The following LIPF variants were observed in gnomAD, a reference collection of about 807,000 sequenced individuals.
The protein encoded by LIPF is gastric triacylglycerol lipase.
LIPF carries 25 observed loss-of-function variants against 38.0 expected under a neutral mutation model. That is an observed-to-expected ratio of 0.66 (90% CI 0.48 to 0.92). The LOEUF (loss-of-function observed/expected upper bound fraction) is 0.92, where lower values mean the gene tolerates loss of function less well. Among genes scored for constraint, LIPF ranks in the 40% least tolerant of loss-of-function variants. LIPF has a pLI of 0.00. For synonymous variants in LIPF, 161 were observed against 156.2 expected (o/e 1.03, Z -0.23); for missense variants, 410 against 469.9 (o/e 0.87, Z 1.18).
At chr10:88,670,099 T>C (rs1259580389) in intron 5 of LIPF, among the ~76,000 whole-genome samples, 153 bp downstream of exon 5, 1 of 152,218 alleles carries the variant, frequency 6.6e-6, no homozygotes, top group South Asian at 2.1e-4. Context: ...ATTCCTATTA[T>C]ATGGGAAAAC....
intron 7 of LIPF, among the ~76,000 whole-genome samples, chr10:88,674,024 G>A (rs1418608564): frequency 1.3e-5 from 2 of 152,144 alleles, no homozygotes; most frequent in Non-Finnish European, 2.9e-5. Context: ...GTAAGAGAAA[G>A]GACTGAACCA....
chr10:88,675,608 C>T lies in LIPF; in HGVS notation c.839C>T (p.Ser280Leu). The T allele has an allele frequency of 7.0e-6, 9 of 1,292,362 alleles. No homozygotes were observed. The highest frequency in any genetic ancestry group is 9.8e-6 in the Non-Finnish European group (9 of 917,446). 80.1% of individuals were successfully genotyped at this position (1,292,362 alleles called of 1,614,324 possible). A position where few individuals can be genotyped will look rare whatever the true frequency, so the allele number is the denominator to read the frequency against. The change falls in exon 8 of 10, where the codon TCA becomes TTA. Residue 280 changes from serine (S) to leucine (L), a missense_variant. Physicochemically the swap from Ser to Leu is moderately radical, Grantham distance 145 (BLOSUM62 -2). Transcript: ENST00000238983. ...FNTSRLDVYL[S>L]HNPAGTSVQN... ...TAGAGTCGCTTGGATGTGTATCTAT[C>T]ACATAATCCAGCAGGAACTTCTGTT...
In LIPF at chr10:88,678,446, C is replaced by T. The variant is rs775189464; in HGVS notation, c.962C>T (p.Ser321Phe). Residue 321 changes from serine to phenylalanine, a missense_variant and splice_region_variant, in exon 10 of 10, where the codon TCC (serine) becomes TTC (phenylalanine). Ser to Phe is a radical substitution (Grantham distance 155). Transcript: ENST00000238983. ...PVQNRMHYDQ[S>F]QPPYYNVTAM... The stretch of plus-strand genomic sequence containing the variant: ...GGTTCTTTCTCTTGTGTTTTCTAGT[C>T]CCAACCTCCCTACTACAATGTGACA... 9.3e-6 allele frequency: 15 copies of T among 1,611,610 alleles called. No homozygotes were observed. The East Asian group carries it at 3.3e-4, about 36-fold the overall frequency.
At chr10:88,665,588 G>T in intron 1 of LIPF, 1 of 1,516,730 alleles carries the variant, frequency 6.6e-7, no homozygotes, top group East Asian at 2.5e-5. Flanking sequence ...CTTTACAATG[G>T]CAAATCACTT....
At chr10:88,665,783 T>C (rs1796980071) in intron 1 of LIPF, among the ~76,000 whole-genome samples, 1 of 140,164 alleles carries the variant, frequency 7.1e-6, no homozygotes, top group Non-Finnish European at 1.5e-5. Context: ...TCACACTGTC[T>C]CCTGGGCTGG....
At chr10:88,675,397 A>C in intron 7 of LIPF, 189 bp from the exon 8 acceptor site, 1 of 492,378 alleles carries the variant, frequency 2.0e-6, no homozygotes, top group Non-Finnish European at 3.6e-6. Flanking sequence ...CTACAAATTA[A>C]ATGGGTTAAC....
chr10:88,676,573 C>T (rs1206134170), intron 9 of LIPF, among the ~76,000 whole-genome samples: 1 of 152,222 alleles, frequency 6.6e-6, no homozygotes, highest in Non-Finnish European at 1.5e-5. Context: ...CCCCAGCACA[C>T]TGTCCTCTCC....
intron 5 of LIPF, 100 bp from the exon 6 acceptor site, chr10:88,671,729 C>T (rs1590111615): frequency 1.4e-6 from 2 of 1,479,634 alleles, no homozygotes; most frequent in East Asian, 2.3e-5. Context: ...AAACACCATC[C>T]TTAGTAAGTC....
chr10:88,670,720 T>G (rs547008271), intron 5 of LIPF, among the ~76,000 whole-genome samples: 2 of 152,316 alleles, frequency 1.3e-5, no homozygotes, highest in Admixed American at 1.3e-4. Flanking sequence ...GAGGAAAGAC[T>G]GTTCGGGGCT....
At position 88,675,656 on chromosome 10, in the gene LIPF, A is replaced by C; in HGVS notation, c.887A>C (p.Gln296Pro). Residue 296 changes from glutamine (Q) to proline (P), a missense_variant and splice_region_variant, in exon 8 of 10, where the codon CAG becomes CCG. Gln to Pro is a moderately conservative substitution (Grantham distance 76). Coordinates refer to ENST00000238983, the MANE Select transcript of LIPF (RefSeq NM_004190.4). ...GTTCAAAACATGTTCCATTGGACCC[A>C]GGTATTCTTTTCCAAATGCTGTTAA... ...TSVQNMFHWTQAVKSGKFQAY... is the reference protein window; with the variant it reads ...TSVQNMFHWTPAVKSGKFQAY... The C allele has an allele frequency of 6.2e-7, 1 of 1,605,808 alleles. No individual in the cohort carries two copies. Among genetic ancestry groups the C allele is most frequent in the Non-Finnish European group, 8.5e-7 (1 of 1,172,768 alleles).
intron 6 of LIPF, 76 bp from the exon 7 acceptor site, chr10:88,673,512 A>T: frequency 9.3e-7 from 1 of 1,076,362 alleles, no homozygotes; most frequent in South Asian, 1.5e-5. Context: ...CACATGTATA[A>T]GTAGATTAGA....
chr10:88,676,267 T>A lies in LIPF; in HGVS notation c.947T>A (p.Met316Lys), dbSNP rs1337424857. 1.9e-6 allele frequency: 3 copies of A among 1,601,980 alleles called. No homozygotes were observed. The highest frequency in any genetic ancestry group is 2.6e-6 in the Non-Finnish European group (3 of 1,171,288). ...TGGGGAAGCCCAGTTCAGAATAGGA[T>A]GCACTATGATCAGGTAAGCTTCTTA... ...YDWGSPVQNR[M>K]HYDQSQPPYY... The change falls in exon 9 of 10, where the codon ATG (methionine) becomes AAG (lysine). Residue 316 changes from methionine (M) to lysine (K), a missense_variant. Transcript: ENST00000238983.
chr10:88,676,440 G>T (rs531670698), intron 9 of LIPF, among the ~76,000 whole-genome samples, 160 bp downstream of exon 9: 14 of 152,134 alleles, frequency 9.2e-5, no homozygotes, highest in Non-Finnish European at 1.6e-4. Flanking sequence ...TGCTCTGGTG[G>T]CTACGCTCAT....
intron 1 of LIPF, among the ~76,000 whole-genome samples, chr10:88,666,921 A>G (rs1255437258): frequency 1.3e-5 from 2 of 152,160 alleles, no homozygotes; most frequent in Non-Finnish European, 2.9e-5. Flanking sequence ...TCTCAAAATA[A>G]GCAGGCAAAA....
chr10:88,671,581 T>G (rs1841597084), intron 5 of LIPF, among the ~76,000 whole-genome samples: 1 of 152,156 alleles, frequency 6.6e-6, no homozygotes, highest in Non-Finnish European at 1.5e-5. Context: ...GTCTATTTTC[T>G]AAGGTCAGAT....
At chr10:88,676,065 C>T in intron 8 of LIPF, 144 bp from the exon 9 acceptor site, 1 of 577,458 alleles carries the variant, frequency 1.7e-6, no homozygotes, top group Non-Finnish European at 3.0e-6. Context: ...ATACCTTGTC[C>T]TAGATTATTA....
rs766226372 is a variant in LIPF at position 88,667,569 on chromosome 10, AG to A, written c.107del (p.Ser36IlefsTer3). 7.2e-6 allele frequency: 11 copies of A among 1,528,104 alleles called. No individual in the cohort carries two copies. The South Asian group carries it at 1.3e-4, about 18-fold the overall frequency. The allele number at this position is 1,528,104 out of a possible 1,614,324, so 94.7% of individuals were successfully genotyped here. ...TAAACTTTTGGGTTTGCTTCCTCAG[AG>A]TCAGATGATTACTTATTGGGGATAC... ...PGSPEVTMNI[S>X]QMITYWGYPN... On this transcript the variant is annotated frameshift_variant and splice_region_variant, in exon 3 of 10. Transcript: ENST00000238983. LOFTEE classifies it high-confidence loss of function.
intron 5 of LIPF, among the ~76,000 whole-genome samples, chr10:88,670,913 T>C (rs1841586623): frequency 6.6e-6 from 1 of 152,172 alleles, no homozygotes; most frequent in Non-Finnish European, 1.5e-5. Flanking sequence ...GGTGGTGACC[T>C]GGATGAAGGG....
chr10:88,676,170 A>G (rs373260381), intron 8 of LIPF, 39 bp from the exon 9 acceptor site: 6 of 1,197,782 alleles, frequency 5.0e-6, no homozygotes, highest in Non-Finnish European at 7.2e-6. Context: ...TCACAATATA[A>G]TAATTTTTAT....
Sources: gnomAD v4.1 joint callset for allele counts (sites outside exome capture counted in the v4.1 genomes callset) on GRCh38, gnomAD v4.1.1 for gene constraint, MANE v1.5 for transcripts, NCBI Gene and HGNC (gene_info 2026-07-23, HGNC 2026-07-21) for gene names.